Variants in PAIP2B observed in about 807,000 individuals in gnomAD.
The protein encoded by PAIP2B is poly(A) binding protein interacting protein 2B.
In PAIP2B, 13 loss-of-function variants were observed where a neutral mutation model predicts 17.0. That is an observed-to-expected ratio of 0.76 (90% confidence interval 0.50 to 1.22). PAIP2B has a LOEUF of 1.22. Ranked by LOEUF, PAIP2B falls within the 50% of genes most tolerant of loss-of-function variation. PAIP2B has a pLI of 0.00. For synonymous variants in PAIP2B, 43 were observed against 48.7 expected, an observed-to-expected ratio of 0.88 and a Z score of 0.48; for missense variants, 117 against 144.5, an observed-to-expected ratio of 0.81 and a Z score of 0.98.
chr2:71,225,350 A>G (rs535289615), intron 1 of PAIP2B, among the ~76,000 whole-genome samples: 6 of 152,358 alleles, frequency 3.9e-5, no homozygotes, highest in East Asian at 1.9e-4. Context: ...TGATACATAC[A>G]TTACAAACAG....
At chr2:71,214,640 T>A (rs1284310345) in intron 1 of PAIP2B, among the ~76,000 whole-genome samples, 2 of 152,220 alleles carry the variant, frequency 1.3e-5, no homozygotes, top group African/African-American at 4.8e-5. Flanking sequence ...TGAACTGATA[T>A]GAAGCTATAT....
At chr2:71,217,490 T>C (rs2103819757) in intron 1 of PAIP2B, among the ~76,000 whole-genome samples, 1 of 152,322 alleles carries the variant, frequency 6.6e-6, no homozygotes, top group Non-Finnish European at 1.5e-5. Flanking sequence ...TTGAATTTTT[T>C]CACCTTCATA....
chr2:71,194,492 TGG>T (rs996027145), intron 2 of PAIP2B, among the ~76,000 whole-genome samples: 2 of 134,326 alleles, frequency 1.5e-5, no homozygotes, highest in Non-Finnish European at 3.1e-5. Flanking sequence ...TGTGTGTGTG[TGG>T]CAACTGTGAA....
At chr2:71,194,032 G>C (rs1674753431) in intron 2 of PAIP2B, among the ~76,000 whole-genome samples, 1 of 152,048 alleles carries the variant, frequency 6.6e-6, no homozygotes, top group Non-Finnish European at 1.5e-5. Flanking sequence ...AGATGTAGAT[G>C]TGTGGTCTCA....
At chr2:71,226,119 T>C (rs1044078925) in intron 1 of PAIP2B, among the ~76,000 whole-genome samples, 1 of 152,202 alleles carries the variant, frequency 6.6e-6, no homozygotes, top group Non-Finnish European at 1.5e-5. Flanking sequence ...AGAACTGCAT[T>C]AGGACAAAGA....
At chr2:71,199,342 T>G (rs1473974583) in intron 2 of PAIP2B, among the ~76,000 whole-genome samples, 1 of 151,880 alleles carries the variant, frequency 6.6e-6, no homozygotes, top group Non-Finnish European at 1.5e-5. Flanking sequence ...TGTTGACATT[T>G]CAGAATATAT....
chr2:71,207,395 T>C (rs1675158816), intron 1 of PAIP2B, among the ~76,000 whole-genome samples: 2 of 151,768 alleles, frequency 1.3e-5, no homozygotes, highest in Admixed American at 1.3e-4. Flanking sequence ...GGAAGAGAGA[T>C]GAGGTTGGAG....
At chr2:71,208,027 T>C (rs1675183862) in intron 1 of PAIP2B, among the ~76,000 whole-genome samples, 1 of 152,078 alleles carries the variant, frequency 6.6e-6, no homozygotes, top group Admixed American at 6.6e-5. Flanking sequence ...ATATAAATGG[T>C]AACTGAAGTC....
intron 2 of PAIP2B, among the ~76,000 whole-genome samples, chr2:71,194,149 C>T (rs1370422339): frequency 3.3e-5 from 5 of 152,168 alleles, no homozygotes; most frequent in Non-Finnish European, 5.9e-5. Context: ...AGTCAGGTAA[C>T]GTGATGCCCT....
intron 2 of PAIP2B, among the ~76,000 whole-genome samples, chr2:71,197,645 C>A (rs1012081591): frequency 1.3e-5 from 2 of 152,046 alleles, no homozygotes; most frequent in Non-Finnish European, 2.9e-5. Context: ...CAAGACTGGG[C>A]AATTTAAAAA....
chr2:71,183,502 G>C lies in PAIP2B; in HGVS notation c.*4977C>G, dbSNP rs1381021542. On this transcript the variant is annotated 3_prime_UTR_variant, in exon 4 of 4. Coordinates refer to ENST00000244221, the MANE Select transcript of PAIP2B (RefSeq NM_020459.1). ...GCTTCCCCTATAAGTCCTACGTTCG[G>C]AGGGTTCCGTTTAGACAACAGGAAG... 6 of 133,124 alleles carry C rather than the reference G, an allele frequency of 4.5e-5. No homozygotes were observed. The highest frequency in any genetic ancestry group is 9.5e-5 in the Non-Finnish European group (6 of 63,492). 8.2% of individuals were successfully genotyped at this position (133,124 alleles called of 1,614,324 possible).
intron 2 of PAIP2B, among the ~76,000 whole-genome samples, chr2:71,198,514 T>A (rs1251962714): frequency 6.6e-6 from 1 of 152,018 alleles, no homozygotes; most frequent in Non-Finnish European, 1.5e-5. Context: ...CTCGATCTCC[T>A]GACCTCGTGA....
chr2:71,219,082 A>ATTT (rs568552077), intron 1 of PAIP2B, among the ~76,000 whole-genome samples: 3,183 of 113,850 alleles, frequency 0.028, 175 homozygotes, highest in African/African-American at 0.1. Context: ...CGCCTAGCTA[A>ATTT]TTTTTTTTTT....
chr2:71,215,362 C>T (rs1317045727), intron 1 of PAIP2B, among the ~76,000 whole-genome samples: 1 of 152,010 alleles, frequency 6.6e-6, no homozygotes, highest in Non-Finnish European at 1.5e-5. Flanking sequence ...TAGGAGATCA[C>T]AATTCAGATG....
rs367764301 is a variant in PAIP2B at position 71,216,371 on chromosome 2, A to C, written c.-12+10557T>G. 7.0e-4 allele frequency among the ~76,000 whole-genome samples: 107 copies of C among 152,264 alleles called. No individual in the cohort carries two copies. In the South Asian group the frequency reaches 0.017, roughly 24 times the overall value. On this transcript the variant is annotated intron_variant, in intron 1 of 3. Coordinates refer to ENST00000244221, the MANE Select transcript of PAIP2B (RefSeq NM_020459.1). ...TCTCTAAGCCTTGCAAATGAAATGGAGTTTCTCACTAGATACTTGGCTATG... is the reference window on the plus strand; with the variant it reads ...TCTCTAAGCCTTGCAAATGAAATGGCGTTTCTCACTAGATACTTGGCTATG...
rs1388280338 is a variant in PAIP2B, at chr2:71,186,118, T to C, written c.*2361A>G. ...CAGTCTGGCTTGCTGGTTCTTCTTCTGTGAGAAAAGTCACTGACAGCCAGA... is the reference window on the plus strand; with the variant it reads ...CAGTCTGGCTTGCTGGTTCTTCTTCCGTGAGAAAAGTCACTGACAGCCAGA... On this transcript the variant is annotated 3_prime_UTR_variant, in exon 4 of 4. Transcript: ENST00000244221. The C allele has an allele frequency of 2.0e-5, 3 of 152,358 alleles. No homozygotes were observed. The East Asian group carries it at 5.8e-4, about 29-fold the overall frequency. 9.4% of individuals were successfully genotyped at this position (152,358 alleles called of 1,614,324 possible).
intron 1 of PAIP2B, among the ~76,000 whole-genome samples, chr2:71,220,655 AT>A (rs751753826): frequency 1.4e-4 from 21 of 152,212 alleles, no homozygotes; most frequent in Admixed American, 5.2e-4. Flanking sequence ...TTTTTAAAAA[AT>A]ATTTGTTTAT....
chr2:71,211,183 C>T (rs1284275979), intron 1 of PAIP2B, among the ~76,000 whole-genome samples: 1 of 151,052 alleles, frequency 6.6e-6, no homozygotes, highest in Admixed American at 6.6e-5. Context: ...CGCTTGAACC[C>T]GGGAGGCAGA....
Position 71,188,364 on chromosome 2 carries a change from C to T in PAIP2B, c.*115G>A. On this transcript the variant is annotated 3_prime_UTR_variant, in exon 4 of 4. Transcript: ENST00000244221. Reference sequence around the variant, plus strand: ...GTCACAGTATTGTGAGACCACCACTCCCCTTCCCGCTGTGCACCCCTCGCC... The same window carrying T: ...GTCACAGTATTGTGAGACCACCACTTCCCTTCCCGCTGTGCACCCCTCGCC... 1 of 768,106 alleles carries T rather than the reference C, an allele frequency of 1.3e-6. No homozygotes were observed. The highest frequency in any genetic ancestry group is 2.2e-6 in the Non-Finnish European group (1 of 454,026). 47.6% of individuals were successfully genotyped at this position (768,106 alleles called of 1,614,324 possible). A position where few individuals can be genotyped will look rare whatever the true frequency, so the allele number is the denominator to read the frequency against.
Sources: allele counts gnomAD v4.1 joint callset (sites outside exome capture counted in the v4.1 genomes callset), GRCh38; gene constraint gnomAD v4.1.1; transcripts MANE v1.5; gene names NCBI Gene and HGNC (gene_info 2026-07-23, HGNC 2026-07-21).